The following DLG4 variants were observed in gnomAD, a reference collection of about 807,000 sequenced individuals.
DLG4 encodes disks large homolog 4.
In DLG4, 7 loss-of-function variants were observed where a neutral mutation model predicts 93.8. The observed-to-expected ratio is 0.07, with a 90% CI of 0.04 to 0.14. The LOEUF (loss-of-function observed/expected upper bound fraction) is 0.14, where lower values mean the gene tolerates loss of function less well. Ranked by LOEUF, DLG4 falls within the 10% of genes least tolerant of loss-of-function variation. DLG4 has a pLI of 1.00. For missense variants in DLG4, 545 were observed against 992.9 expected (o/e 0.55, Z 6.06); for synonymous variants, 341 against 387.6 (o/e 0.88, Z 1.41).
chr17:7,192,599 C>T (rs1597441063), intron 17 of DLG4, among the ~76,000 whole-genome samples: 1 of 148,420 alleles, frequency 6.7e-6, no homozygotes, highest in Non-Finnish European at 1.5e-5. Context: ...AGAGGGCCAG[C>T]GGGGAGTCAG....
At chr17:7,211,815 C>G (rs1015695581) in intron 1 of DLG4, 1 of 7,074 alleles carries the variant, frequency 1.4e-4, no homozygotes, top group Non-Finnish European at 2.8e-4. Context: ...CAACTGGAGG[C>G]TGCGGCGGGG....
At chr17:7,218,447 G>C (rs189896472), upstream of DLG4, 805 of 1,417,506 alleles carry the variant, frequency 5.7e-4, no homozygotes, top group Non-Finnish European at 7.4e-4. Context: ...TGGTGCTCCA[G>C]CTTGGACCAA....
intron 1 of DLG4, among the ~76,000 whole-genome samples, chr17:7,211,123 A>C (rs922781391): frequency 2.4e-4 from 1 of 4,230 alleles, no homozygotes; most frequent in Non-Finnish European, 4.4e-4. Context: ...AAACGTCGGG[A>C]GGGGTGGGGG....
chr17:7,204,517 G>A (rs895360066), intron 2 of DLG4: 2 of 435,146 alleles, frequency 4.6e-6, no homozygotes, highest in Non-Finnish European at 8.2e-6. Context: ...TGTGGAAGGA[G>A]GTGTAGGAGA....
In DLG4 at chr17:7,191,985, G is replaced by A. The variant is rs574653579; in HGVS notation, c.1884C>T (p.Leu628=). Residue 628 remains leucine (L), a synonymous_variant, in exon 18 of 20, where the codon CTC becomes CTT. Coordinates refer to ENST00000399506, the MANE Select transcript of DLG4 (RefSeq NM_001321075.3). The surrounding 1 kb of genome is among the most constrained non-coding windows in gnomAD (Gnocchi z 6.6). The part of the protein sequence containing the change: ...EVAEQGKHCI[L]DVSANAVRRL... The stretch of plus-strand genomic sequence containing the variant: ...GCCGCACGGCATTGGCCGAGACATC[G>A]AGGATGCAGTGCTTCCCCTGGGGGC... The A allele has an allele frequency of 4.0e-5, 58 of 1,456,118 alleles. No homozygotes were observed. The African/African-American group carries it at 5.5e-4, about 14-fold the overall frequency. 90.2% of individuals were successfully genotyped at this position (1,456,118 alleles called of 1,614,324 possible).
intron 1 of DLG4, among the ~76,000 whole-genome samples, chr17:7,212,213 T>C (rs2070741744): frequency 6.6e-6 from 1 of 152,034 alleles, no homozygotes. Context: ...CCCGCAAGAT[T>C]GGTGCTGTGG....
At chr17:7,216,497 C>G (rs1269252860) in intron 1 of DLG4, among the ~76,000 whole-genome samples, 1 of 152,060 alleles carries the variant, frequency 6.6e-6, no homozygotes, top group East Asian at 1.9e-4. Context: ...GGGCCCCAGC[C>G]CTCTGACAAC....
chr17:7,202,385 G>A (rs1194533068), intron 8 of DLG4, among the ~76,000 whole-genome samples: 1 of 152,120 alleles, frequency 6.6e-6, no homozygotes, highest in African/African-American at 2.4e-5. Context: ...TTTAATATAT[G>A]AATCATATTA....
At chr17:7,213,185 G>A (rs1198723136) in intron 1 of DLG4, among the ~76,000 whole-genome samples, 1 of 141,152 alleles carries the variant, frequency 7.1e-6, no homozygotes, top group Non-Finnish European at 1.5e-5. Flanking sequence ...GCAACATCCG[G>A]CTCCCGGGTT....
At chr17:7,201,773 C>T (rs796169199) in intron 8 of DLG4, among the ~76,000 whole-genome samples, 67 of 152,052 alleles carry the variant, frequency 4.4e-4, no homozygotes, top group African/African-American at 1.5e-3. Flanking sequence ...CCCAGCTACT[C>T]GGGAGGCCGG....
chr17:7,218,642 A>C (rs767235504), upstream of DLG4: 15 of 1,559,256 alleles, frequency 9.6e-6, no homozygotes, highest in African/African-American at 5.4e-5. Flanking sequence ...CCTGGGAGCT[A>C]GTGAGATGCA....
At chr17:7,197,263 G>A (rs530661143) in intron 8 of DLG4, among the ~76,000 whole-genome samples, 2 of 152,136 alleles carry the variant, frequency 1.3e-5, no homozygotes, top group South Asian at 4.2e-4. Flanking sequence ...TTGTCCTAGG[G>A]GATAAAGGAT....
At chr17:7,201,869 G>A (rs781488803) in intron 8 of DLG4, among the ~76,000 whole-genome samples, 2 of 152,078 alleles carry the variant, frequency 1.3e-5, no homozygotes, top group African/African-American at 2.4e-5. Flanking sequence ...CAAGAAGAGC[G>A]AAACTCCATT....
At chr17:7,214,738 G>C (rs1301720139) in intron 1 of DLG4, among the ~76,000 whole-genome samples, 1 of 152,226 alleles carries the variant, frequency 6.6e-6, no homozygotes, top group African/African-American at 2.4e-5. Flanking sequence ...GGCGGCAGCA[G>C]CGCGGGGAAA....
chr17:7,190,804 C>A lies in DLG4; in HGVS notation c.2079G>T (p.Glu693Asp). 6.2e-7 allele frequency: 1 copy of A among 1,612,902 alleles called. No individual in the cohort carries two copies. Reference sequence around the variant, plus strand: ...GGTAGATCTCCTCAAAGCTGTCACCCTCCACGATGGCTGGGAGTGGGGTGG... The same window carrying A: ...GGTAGATCTCCTCAAAGCTGTCACCATCCACGATGGCTGGGAGTGGGGTGG... ...EFTECFSAIV[E>D]GDSFEEIYHK... The change falls in exon 20 of 20, where the codon GAG (glutamate) becomes GAT (aspartate). Residue 693 changes from glutamate to aspartate, a missense_variant. Coordinates refer to ENST00000399506, the MANE Select transcript of DLG4 (RefSeq NM_001321075.3).
chr17:7,208,361 G>C lies in DLG4; in HGVS notation c.31-122C>G, dbSNP rs1449333009. ...TGCGGAAGGCCCTGGGGCCTGACCAGCTCCTCCCCCTCCCTCTCCTCTAGC... is the reference window on the plus strand; with the variant it reads ...TGCGGAAGGCCCTGGGGCCTGACCACCTCCTCCCCCTCCCTCTCCTCTAGC... On this transcript the variant is annotated intron_variant, in intron 1 of 19. Transcript: ENST00000399506. The surrounding 1 kb of genome is among the most constrained non-coding windows in gnomAD (Gnocchi z 5.4). The C allele has an allele frequency of 1.2e-6, 1 of 842,984 alleles. No homozygotes were observed. Among genetic ancestry groups the C allele is most frequent in the Non-Finnish European group, 1.6e-6 (1 of 609,974 alleles). 52.2% of individuals were successfully genotyped at this position (842,984 alleles called of 1,614,324 possible).
rs2069681267 is a variant in DLG4, at chr17:7,194,777, C to G, written c.1302-282G>C. ...AGGCGTGGTGGCTCCCACCTGGAAT[C>G]CCAGCTGACTTTGGGAGGCCAAGGC... On this transcript the variant is annotated intron_variant, in intron 11 of 19. Coordinates refer to ENST00000399506, the MANE Select transcript of DLG4 (RefSeq NM_001321075.3). The surrounding 1 kb of genome is among the most constrained non-coding windows in gnomAD (Gnocchi z 4.4). Among the ~76,000 whole-genome samples, 1 of 152,190 alleles carries G rather than the reference C, an allele frequency of 6.6e-6. No individual in the cohort carries two copies. The highest frequency in any genetic ancestry group is 1.5e-5 in the Non-Finnish European group (1 of 68,028).
chr17:7,208,578 C>T lies in DLG4; in HGVS notation c.31-339G>A, dbSNP rs1050542631. Reference sequence around the variant, plus strand: ...CCCCTTTCCCCACCACCTTCATCTTCGAGTCCCTCCAGCTTCTCAGAGCTC... The same window carrying T: ...CCCCTTTCCCCACCACCTTCATCTTTGAGTCCCTCCAGCTTCTCAGAGCTC... On this transcript the variant is annotated intron_variant, in intron 1 of 19. Transcript: ENST00000399506. The surrounding 1 kb of genome is among the most constrained non-coding windows in gnomAD (Gnocchi z 5.4). Among the ~76,000 whole-genome samples the T allele has an allele frequency of 1.3e-5, 2 of 152,076 alleles. No homozygotes were observed. Among genetic ancestry groups the T allele is most frequent in the Non-Finnish European group, 1.5e-5 (1 of 68,012 alleles).
chr17:7,204,451 A>G (rs1414748468), intron 2 of DLG4, 199 bp from the exon 3 acceptor site: 17 of 561,490 alleles, frequency 3.0e-5, no homozygotes, highest in Non-Finnish European at 6.2e-6. Flanking sequence ...GCGCACACAC[A>G]CGCACAGATG....
Sources: allele counts gnomAD v4.1 joint callset (sites outside exome capture counted in the v4.1 genomes callset), GRCh38; gene constraint gnomAD v4.1.1; non-coding constraint Gnocchi (gnomAD v3.1); transcripts MANE v1.5; gene names NCBI Gene and HGNC (gene_info 2026-07-23, HGNC 2026-07-21).